HDAC9: variants seen among roughly 807,000 people sequenced by gnomAD.
The protein encoded by HDAC9 is histone deacetylase 9.
Under a neutral mutation model 139.4 loss-of-function variants are expected in HDAC9, and 41 were observed. The observed-to-expected ratio is 0.29, with a 90% CI of 0.23 to 0.38. The LOEUF (loss-of-function observed/expected upper bound fraction) is 0.38, where lower values mean the gene tolerates loss of function less well. Ranked by LOEUF, HDAC9 falls within the 10% of genes least tolerant of loss-of-function variation. The pLI is 1.00. For missense variants in HDAC9, 1,147 were observed against 1,297.0 expected, an observed-to-expected ratio of 0.88 and a Z score of 1.78; for synonymous variants, 517 against 476.2, an observed-to-expected ratio of 1.09 and a Z score of -1.12.
At chr7:18,694,687 G>A (rs1782910322) in intron 12 of HDAC9, among the ~76,000 whole-genome samples, 1 of 152,082 alleles carries the variant, frequency 6.6e-6, no homozygotes, top group Admixed American at 6.6e-5. Context: ...GAGAGGATGG[G>A]CTGATTTATT....
chr7:18,477,706 G>A (rs1423855168), intron 1 of HDAC9, among the ~76,000 whole-genome samples: 1 of 152,054 alleles, frequency 6.6e-6, no homozygotes, highest in African/African-American at 2.4e-5. Flanking sequence ...TTAATGTTAT[G>A]TCGATTCTTA....
chr7:18,321,499 A>G (rs1800028850), intron 1 of HDAC9, among the ~76,000 whole-genome samples: 1 of 152,220 alleles, frequency 6.6e-6, no homozygotes, highest in African/African-American at 2.4e-5. Flanking sequence ...TTTTAACCAC[A>G]GAATCATTTT....
intron 1 of HDAC9, among the ~76,000 whole-genome samples, chr7:18,469,879 G>C (rs911418711): frequency 6.6e-6 from 1 of 152,094 alleles, no homozygotes; most frequent in Non-Finnish European, 1.5e-5. Context: ...ATGTCACCCA[G>C]CTTGACGCCC....
chr7:18,604,573 T>A (rs558815317), intron 6 of HDAC9, among the ~76,000 whole-genome samples: 31 of 152,002 alleles, frequency 2.0e-4, no homozygotes, highest in East Asian at 1.4e-3. Context: ...ATTTTTTTTT[T>A]TAATTTTTAG....
At chr7:18,619,113 C>T (rs1370359897) in intron 6 of HDAC9, among the ~76,000 whole-genome samples, 1 of 151,984 alleles carries the variant, frequency 6.6e-6, no homozygotes, top group African/African-American at 2.4e-5. Flanking sequence ...AAGGAGTTAG[C>T]ATATGAAGGC....
intron 17 of HDAC9, among the ~76,000 whole-genome samples, chr7:18,798,159 A>G (rs1223410138): frequency 2.6e-5 from 4 of 152,154 alleles, no homozygotes; most frequent in African/African-American, 9.7e-5. Flanking sequence ...CAAAGAGTAA[A>G]ACAGTCCGCT....
intron 9 of HDAC9, 50 bp downstream of exon 9, chr7:18,644,843 C>T: frequency 1.3e-6 from 2 of 1,547,538 alleles, no homozygotes; most frequent in Non-Finnish European, 1.7e-6. Flanking sequence ...AATATCTTTT[C>T]ACAGGGGAAC....
At chr7:18,855,107 A>G (rs937529741) in intron 21 of HDAC9, among the ~76,000 whole-genome samples, 1 of 152,134 alleles carries the variant, frequency 6.6e-6, no homozygotes, top group Non-Finnish European at 1.5e-5. Flanking sequence ...ACTGCACTCT[A>G]CTCTCCAGAA....
chr7:18,655,103 A>C (rs996749998), intron 11 of HDAC9, among the ~76,000 whole-genome samples: 1 of 152,122 alleles, frequency 6.6e-6, no homozygotes, highest in Non-Finnish European at 1.5e-5. Flanking sequence ...CATCTCATCT[A>C]TGGGTGGTTG....
rs757689693 is a variant in HDAC9, at chr7:18,719,331, CTTTTTTTTTTTT to C, written c.1732-8234_1732-8223del. Among the ~76,000 whole-genome samples the C allele has an allele frequency of 3.0e-3, 220 of 73,918 alleles. 13 individuals are homozygous for C. The highest frequency in any genetic ancestry group is 0.021 in the East Asian group (46 of 2,238). The allele number at this position is 73,918 out of a possible 152,430, so 48.5% of individuals were successfully genotyped here. ...CTAATTAACCTATTTTTTTCTCTTC[CTTTTTTTTTTTT>C]TTTTTTTTTTTTTTGAGATGGAGTT... is the stretch of plus-strand genomic sequence containing the variant. On this transcript the variant is annotated intron_variant, in intron 12 of 25. Transcript: ENST00000686413.
At chr7:18,617,528 G>GAT (rs1365457984) in intron 6 of HDAC9, among the ~76,000 whole-genome samples, 2 of 152,102 alleles carry the variant, frequency 1.3e-5, no homozygotes, top group Non-Finnish European at 2.9e-5. Flanking sequence ...ATGCTCAGAT[G>GAT]ATATATATAC....
At chr7:18,534,954 G>A (rs943799898) in intron 2 of HDAC9, among the ~76,000 whole-genome samples, 1 of 152,146 alleles carries the variant, frequency 6.6e-6, no homozygotes, top group African/African-American at 2.4e-5. Context: ...CAGTCCCTGC[G>A]CTTTTGACCT....
chr7:18,648,709 G>T (rs1317854362), intron 11 of HDAC9, 26 bp downstream of exon 11: 11 of 1,582,358 alleles, frequency 7.0e-6, no homozygotes, highest in Non-Finnish European at 9.5e-6. Context: ...AAGTCAAAAT[G>T]TTCTAACCGC....
intron 22 of HDAC9, among the ~76,000 whole-genome samples, chr7:18,898,169 T>C (rs538040048): frequency 2.5e-4 from 38 of 151,996 alleles, no homozygotes; most frequent in South Asian, 6.2e-4. Context: ...TTTAAAACAT[T>C]TATTGAGTTT....
At chr7:18,506,850 G>A (rs1693434124) in intron 2 of HDAC9, among the ~76,000 whole-genome samples, 1 of 152,064 alleles carries the variant, frequency 6.6e-6, no homozygotes, top group Non-Finnish European at 1.5e-5. Flanking sequence ...AAAAGTAAGT[G>A]TAAGCCTCTG....
intron 1 of HDAC9, among the ~76,000 whole-genome samples, chr7:18,449,669 T>A (rs1414435005): frequency 6.6e-6 from 1 of 152,136 alleles, no homozygotes; most frequent in African/African-American, 2.4e-5. Context: ...TCTTCCACCC[T>A]TCACAAAAAA....
chr7:18,983,234 T>C (rs1050845641), intron 25 of HDAC9, among the ~76,000 whole-genome samples: 1 of 152,240 alleles, frequency 6.6e-6, no homozygotes, highest in Non-Finnish European at 1.5e-5. Flanking sequence ...CTTCACTTAG[T>C]GTAATGTCCT....
intron 12 of HDAC9, among the ~76,000 whole-genome samples, chr7:18,682,259 G>T (rs1368354445): frequency 6.6e-6 from 1 of 151,898 alleles, no homozygotes; most frequent in Non-Finnish European, 1.5e-5. Flanking sequence ...AGAACATTGT[G>T]CTTTTTCTCT....
At chr7:18,850,006 T>G (rs1797164651) in intron 21 of HDAC9, among the ~76,000 whole-genome samples, 1 of 151,746 alleles carries the variant, frequency 6.6e-6, no homozygotes, top group South Asian at 2.1e-4. Context: ...AGCAAAGTCC[T>G]TAGTAGTTTG....
Sources: allele counts gnomAD v4.1 joint callset (sites outside exome capture counted in the v4.1 genomes callset), GRCh38; gene constraint gnomAD v4.1.1; transcripts MANE v1.5; gene names NCBI Gene and HGNC (gene_info 2026-07-23, HGNC 2026-07-21).